SORCS3: variants seen among roughly 807,000 people sequenced by gnomAD.
SORCS3 encodes sortilin related VPS10 domain containing receptor 3, also known as VPS10 domain-containing receptor SorCS3.
In SORCS3, 57 loss-of-function variants were observed where a neutral mutation model predicts 146.3. The ratio of observed to expected loss-of-function variants is 0.39; its 90% confidence interval spans 0.31 to 0.49. The LOEUF (loss-of-function observed/expected upper bound fraction) is 0.49, where lower values mean the gene tolerates loss of function less well. Ranked by LOEUF, SORCS3 falls within the 20% of genes least tolerant of loss-of-function variation. SORCS3 has a pLI of 0.92. For synonymous variants in SORCS3, 653 were observed against 618.5 expected, an observed-to-expected ratio of 1.06 and a Z score of -0.83; for missense variants, 1,341 against 1,575.5, an observed-to-expected ratio of 0.85 and a Z score of 2.52.
intron 1 of SORCS3, among the ~76,000 whole-genome samples, chr10:104,765,307 T>C (rs960718452): frequency 1.3e-5 from 2 of 152,196 alleles, no homozygotes; most frequent in Non-Finnish European, 2.9e-5. Flanking sequence ...CAGTCTTTTG[T>C]AGAAACAAAC....
At chr10:105,179,064 C>T (rs2056426476) in intron 14 of SORCS3, among the ~76,000 whole-genome samples, 1 of 152,114 alleles carries the variant, frequency 6.6e-6, no homozygotes, top group Non-Finnish European at 1.5e-5. Flanking sequence ...GGAAGAAAGG[C>T]CAATCTAGGA....
chr10:104,976,994 G>C (rs750431638), intron 3 of SORCS3, among the ~76,000 whole-genome samples: 15 of 151,730 alleles, frequency 9.9e-5, no homozygotes, highest in Non-Finnish European at 1.6e-4. Context: ...CACCAGCATG[G>C]CACATGTATA....
At chr10:104,943,382 TC>T (rs1307860137) in intron 3 of SORCS3, among the ~76,000 whole-genome samples, 4 of 152,162 alleles carry the variant, frequency 2.6e-5, no homozygotes, top group Admixed American at 2.6e-4. Flanking sequence ...TGCCTCGGTC[TC>T]CCAAAGTGCT....
chr10:105,250,556 A>T (rs1161960129), intron 22 of SORCS3, among the ~76,000 whole-genome samples: 3 of 152,088 alleles, frequency 2.0e-5, no homozygotes, highest in Non-Finnish European at 2.9e-5. Flanking sequence ...ACACTCCCTG[A>T]CATTGTTCTT....
At chr10:104,722,240 T>C (rs1198381270) in intron 1 of SORCS3, among the ~76,000 whole-genome samples, 2 of 152,248 alleles carry the variant, frequency 1.3e-5, no homozygotes, top group African/African-American at 2.4e-5. Flanking sequence ...GATAATCATT[T>C]GGTTTTTGTC....
intron 2 of SORCS3, among the ~76,000 whole-genome samples, chr10:104,876,165 G>GT (rs1486776900): frequency 6.6e-6 from 1 of 152,176 alleles, no homozygotes; most frequent in Non-Finnish European, 1.5e-5. Flanking sequence ...TTCAACTGTT[G>GT]TAAGTCACTA....
chr10:104,770,229 C>A (rs1384101555), intron 1 of SORCS3, among the ~76,000 whole-genome samples: 1 of 152,118 alleles, frequency 6.6e-6, no homozygotes, highest in Non-Finnish European at 1.5e-5. Flanking sequence ...TCCACTGTAC[C>A]CCTCAGTGCA....
intron 20 of SORCS3, among the ~76,000 whole-genome samples, chr10:105,225,549 T>C (rs2056729367): frequency 6.6e-6 from 1 of 152,048 alleles, no homozygotes; most frequent in Non-Finnish European, 1.5e-5. Flanking sequence ...TTCAATTTTA[T>C]GTTGACTATT....
intron 19 of SORCS3, 57 bp from the exon 20 acceptor site, chr10:105,223,059 A>G (rs2056713550): frequency 1.3e-6 from 2 of 1,521,818 alleles, no homozygotes. Flanking sequence ...TAGGGGTGTG[A>G]TACAGTTTGA....
chr10:105,097,575 A>G (rs1400940748), intron 6 of SORCS3, among the ~76,000 whole-genome samples: 1 of 152,224 alleles, frequency 6.6e-6, no homozygotes, highest in African/African-American at 2.4e-5. Flanking sequence ...ACCTTGGACA[A>G]ATTTCTTAGC....
At chr10:105,223,641 C>G (rs971681167) in intron 20 of SORCS3, among the ~76,000 whole-genome samples, 2 of 152,096 alleles carry the variant, frequency 1.3e-5, no homozygotes, top group African/African-American at 4.8e-5. Context: ...TGTAGGGTTG[C>G]CAAAATTAAA....
intron 1 of SORCS3, among the ~76,000 whole-genome samples, chr10:104,759,789 G>T (rs1053364407): frequency 6.6e-6 from 1 of 152,138 alleles, no homozygotes; most frequent in Non-Finnish European, 1.5e-5. Context: ...TTCTGTCGAG[G>T]ATCTGTCACG....
chr10:104,981,633 A>G (rs997385526), intron 4 of SORCS3, among the ~76,000 whole-genome samples: 3 of 152,190 alleles, frequency 2.0e-5, no homozygotes, highest in South Asian at 4.1e-4. Context: ...GTGCAATCCT[A>G]GAAATATAGC....
At chr10:105,258,055 GC>G (rs1390074439) in intron 25 of SORCS3, among the ~76,000 whole-genome samples, 1 of 152,104 alleles carries the variant, frequency 6.6e-6, no homozygotes, top group Non-Finnish European at 1.5e-5. Context: ...GACTCTTCCT[GC>G]CCCCCTTCTT....
At chr10:104,968,362 C>A (rs551569091) in intron 3 of SORCS3, among the ~76,000 whole-genome samples, 1 of 152,148 alleles carries the variant, frequency 6.6e-6, no homozygotes, top group Non-Finnish European at 1.5e-5. Context: ...GTGATCTACC[C>A]GCCTGGGCCT....
intron 14 of SORCS3, among the ~76,000 whole-genome samples, chr10:105,197,684 G>T (rs1464065103): frequency 1.3e-5 from 2 of 152,162 alleles, no homozygotes; most frequent in South Asian, 4.1e-4. Context: ...AACCTGAAAA[G>T]TACCAAGCCC....
intron 3 of SORCS3, among the ~76,000 whole-genome samples, chr10:104,918,576 G>C (rs772666885): frequency 6.6e-6 from 1 of 152,150 alleles, no homozygotes; most frequent in Non-Finnish European, 1.5e-5. Flanking sequence ...CTCCCTTCTT[G>C]AGAAGGAAGC....
At chr10:104,715,027 G>A (rs1448773600) in intron 1 of SORCS3, among the ~76,000 whole-genome samples, 4 of 152,312 alleles carry the variant, frequency 2.6e-5, no homozygotes, top group Admixed American at 2.6e-4. Flanking sequence ...ATTACCACCT[G>A]TGCTTGGTAC....
At chr10:104,848,589 T>C (rs1338438006) in intron 2 of SORCS3, among the ~76,000 whole-genome samples, 2 of 152,210 alleles carry the variant, frequency 1.3e-5, no homozygotes, top group Non-Finnish European at 2.9e-5. Flanking sequence ...ATTAAAAGCC[T>C]TCCACCCCAT....
Sources: allele counts gnomAD v4.1 joint callset (sites outside exome capture counted in the v4.1 genomes callset), GRCh38; gene constraint gnomAD v4.1.1; transcripts MANE v1.5; gene names NCBI Gene and HGNC (gene_info 2026-07-23, HGNC 2026-07-21).